The following THAP8 variants were observed in gnomAD, a reference collection of about 807,000 sequenced individuals.
THAP8 encodes THAP domain-containing protein 8.
A neutral mutation model predicts 25.0 loss-of-function variants in THAP8; 24 were observed. The ratio of observed to expected loss-of-function variants is 0.96; its 90% CI spans 0.69 to 1.35. THAP8 has a LOEUF of 1.35. Ranked by LOEUF, THAP8 falls within the 40% of genes most tolerant of loss-of-function variation. The probability of loss-of-function intolerance (pLI) is 0.00; values close to 1 mark genes in which losing one functional copy is unlikely to be tolerated. For missense variants in THAP8, 399 were observed against 368.8 expected, an observed-to-expected ratio of 1.08 and a Z score of -0.67; for synonymous variants, 169 against 157.6, an observed-to-expected ratio of 1.07 and a Z score of -0.54.
chr19:36,054,683 A>G (rs926182843), upstream of THAP8: 31 of 582,082 alleles, frequency 5.3e-5, no homozygotes, highest in African/African-American at 5.4e-4. Context: ...TAAAACCTGT[A>G]TGTTTCAGCG....
chr19:36,037,860 G>A lies in THAP8; in HGVS notation c.672+1463C>T, dbSNP rs536815158. ...TCACCATGTTGGCCAGGCTGGTCTC[G>A]AACTCCTGACCTCGTGATCTGCCCA... On this transcript the variant is annotated intron_variant, in intron 3 of 3. Transcript: ENST00000292894. Among the ~76,000 whole-genome samples the A allele has an allele frequency of 1.4e-3, 207 of 152,026 alleles. 2 individuals are homozygous for A. Among genetic ancestry groups the A allele is most frequent in the African/African-American group, 4.9e-3 (203 of 41,462 alleles).
chr19:36,035,566 C>T lies in THAP8; in HGVS notation c.699G>A (p.Glu233=). The change falls in exon 4 of 4, where the codon GAG becomes GAA. Residue 233 remains glutamate (E), a synonymous_variant. Transcript: ENST00000292894. The part of the protein sequence containing the change: ...RLTTAQTLGP[E]ESQTFTIICG... The stretch of plus-strand genomic sequence containing the variant: ...AGATGATGGTGAAGGTTTGGGATTC[C>T]TCAGGTCCAAGGGTCTGGGCTGTTG... The T allele has an allele frequency of 2.5e-6, 4 of 1,614,108 alleles. No homozygotes were observed. The highest frequency in any genetic ancestry group is 3.4e-6 in the Non-Finnish European group (4 of 1,180,018).
At chr19:36,052,960 C>T (rs999425725) in intron 1 of THAP8, among the ~76,000 whole-genome samples, 3 of 152,138 alleles carry the variant, frequency 2.0e-5, no homozygotes, top group African/African-American at 7.2e-5. Flanking sequence ...CAGTGGCTCA[C>T]GCCTGTAATC....
At chr19:36,035,672 G>T in intron 3 of THAP8, 80 bp from the exon 4 acceptor site, 1 of 1,524,302 alleles carries the variant, frequency 6.6e-7, no homozygotes, top group South Asian at 1.2e-5. Flanking sequence ...GTGAGGAACA[G>T]GGAGGCAAAG....
Position 36,042,116 on chromosome 19 carries a change from GGAA to G in THAP8, c.84-1983_84-1981del, listed in dbSNP as rs768354816. ...GGAGGGAGTAAGAGGGGGAGGAAGA[GGAA>G]GAGAAGAACAGTGTGTGTGAGGATG... On this transcript the variant is annotated intron_variant, in intron 1 of 3. Transcript: ENST00000292894. Among the ~76,000 whole-genome samples, 461 of 151,992 alleles carry G rather than the reference GGAA, an allele frequency of 3.0e-3. 2 individuals carry two copies. The highest frequency in any genetic ancestry group is 4.9e-3 in the Non-Finnish European group (332 of 67,978).
intron 1 of THAP8, among the ~76,000 whole-genome samples, chr19:36,053,813 T>C (rs1010250219): frequency 1.3e-5 from 2 of 152,148 alleles, no homozygotes; most frequent in African/African-American, 2.4e-5. Context: ...TGCTCTGAGT[T>C]TCAGATGGCT....
intron 1 of THAP8, among the ~76,000 whole-genome samples, chr19:36,051,073 A>T (rs1163220238): frequency 6.7e-6 from 1 of 149,776 alleles, no homozygotes; most frequent in African/African-American, 2.5e-5. Flanking sequence ...CAATATGCAG[A>T]CAGTGATGTG....
chr19:36,040,275 G>A (rs1374954235), intron 1 of THAP8, 139 bp from the exon 2 acceptor site: 4 of 829,918 alleles, frequency 4.8e-6, no homozygotes, highest in Non-Finnish European at 7.2e-6. Flanking sequence ...TTGTGCCCAG[G>A]CTTTCTCTAT....
At chr19:36,046,100 G>T in intron 1 of THAP8, 1 of 359,032 alleles carries the variant, frequency 2.8e-6, no homozygotes, top group South Asian at 2.1e-5. Context: ...ATGTGTCAAG[G>T]GAGGGACATG....
intron 1 of THAP8, 72 bp downstream of exon 1, chr19:36,054,063 C>T: frequency 6.6e-7 from 1 of 1,522,878 alleles, no homozygotes; most frequent in Non-Finnish European, 9.0e-7. Context: ...CCCCGCACAG[C>T]AGCACTAATG....
chr19:36,049,681 A>AT (rs11393149), intron 1 of THAP8, among the ~76,000 whole-genome samples: 152,323 of 152,328 alleles, frequency 1, 76,159 homozygotes, highest in Middle Eastern at 1. Context: ...CCTCCTTATT[A>AT]TACATACAAA....
upstream of THAP8, chr19:36,054,609 A>T: frequency 1.9e-6 from 1 of 540,536 alleles, no homozygotes. Flanking sequence ...TGGGGCGCAC[A>T]TAGTTCCTCT....
intron 1 of THAP8, among the ~76,000 whole-genome samples, chr19:36,053,842 A>T (rs1970174521): frequency 6.6e-6 from 1 of 152,158 alleles, no homozygotes. Flanking sequence ...TGGGGAGGGC[A>T]AGTGGGCATC....
chr19:36,036,666 C>T (rs1464722033), intron 3 of THAP8, among the ~76,000 whole-genome samples: 3 of 151,910 alleles, frequency 2.0e-5, no homozygotes, highest in South Asian at 4.2e-4. Context: ...CCTGGCTGGG[C>T]ATGGTGGCTC....
At chr19:36,045,069 C>G (rs933663209) in intron 1 of THAP8, among the ~76,000 whole-genome samples, 6 of 151,258 alleles carry the variant, frequency 4.0e-5, no homozygotes, top group African/African-American at 1.5e-4. Context: ...GTGACTATTA[C>G]TTTATTTATT....
At chr19:36,048,037 C>T (rs2145452570) in intron 1 of THAP8, among the ~76,000 whole-genome samples, 1 of 152,186 alleles carries the variant, frequency 6.6e-6, no homozygotes, top group South Asian at 2.1e-4. Context: ...TTGCTCCAGC[C>T]AAAAGAATGC....
intron 1 of THAP8, among the ~76,000 whole-genome samples, chr19:36,045,458 G>A (rs1969847380): frequency 6.6e-6 from 1 of 151,916 alleles, no homozygotes; most frequent in Non-Finnish European, 1.5e-5. Flanking sequence ...TTGTAGAGAT[G>A]GGGTTTTGCC....
chr19:36,054,508 G>A (rs779732179), upstream of THAP8: 12 of 569,610 alleles, frequency 2.1e-5, no homozygotes, highest in Non-Finnish European at 3.5e-5. Flanking sequence ...GGGAAGGGCG[G>A]CGTCACGGCG....
Position 36,039,583 on chromosome 19 carries a change from C to T in THAP8, c.412G>A (p.Gly138Arg). Residue 138 changes from glycine (G) to arginine (R), a missense_variant, in exon 3 of 4, where the codon GGG (glycine) becomes AGG (arginine). By Grantham distance (125) the Gly-to-Arg change is moderately radical. Coordinates refer to ENST00000292894, the MANE Select transcript of THAP8 (RefSeq NM_152658.3). ...VRLVVLGPTSGSPKTVATMLL... is the reference protein window; with the variant it reads ...VRLVVLGPTSRSPKTVATMLL... ...ATGGTGGCCACAGTCTTGGGGCTCC[C>T]CGATGTGGGGCCCAGCACCACTAGG... The T allele has an allele frequency of 6.6e-7, 1 of 1,513,980 alleles. No homozygotes were observed. The highest frequency in any genetic ancestry group is 1.3e-5 in the South Asian group (1 of 78,896). 93.8% of individuals were successfully genotyped at this position (1,513,980 alleles called of 1,614,324 possible). A position where few individuals can be genotyped will look rare whatever the true frequency, so the allele number is the denominator to read the frequency against.
Sources: allele counts gnomAD v4.1 joint callset (sites outside exome capture counted in the v4.1 genomes callset), GRCh38; gene constraint gnomAD v4.1.1; transcripts MANE v1.5; gene names NCBI Gene and HGNC (gene_info 2026-07-23, HGNC 2026-07-21).